The following FHIT variants were observed in gnomAD, a reference collection of about 807,000 sequenced individuals.
The protein encoded by FHIT is bis(5'-adenosyl)-triphosphatase.
In FHIT, 19 loss-of-function variants were observed where a neutral mutation model predicts 17.9. The observed-to-expected ratio is 1.06, with a 90% CI of 0.74 to 1.56. The LOEUF is 1.56. Among genes scored for constraint, FHIT ranks in the 40% most tolerant of loss-of-function variants. The pLI is 0.00. For missense variants in FHIT, 248 were observed against 189.2 expected (o/e 1.31, Z -1.82); for synonymous variants, 81 against 69.7 (o/e 1.16, Z -0.81).
intron 5 of FHIT, among the ~76,000 whole-genome samples, chr3:60,098,971 C>T (rs1302459564): frequency 6.6e-6 from 1 of 152,060 alleles, no homozygotes; most frequent in Non-Finnish European, 1.5e-5. Context: ...TACACTTGTC[C>T]TAACTTCTAA....
chr3:61,098,762 G>A (rs761819134), intron 2 of FHIT, among the ~76,000 whole-genome samples: 17 of 152,080 alleles, frequency 1.1e-4, no homozygotes, highest in Non-Finnish European at 2.5e-4. Flanking sequence ...GACTATTGTT[G>A]GTATATAGGA....
Position 60,929,714 on chromosome 3 carries a change from G to A in FHIT, c.-110-107703C>T, listed in dbSNP as rs184184728. ...ACCACTACTTAATGAAATAAAAGAC[G>A]ATACAAACAAATGGAAGAACATTCC... On this transcript the variant is annotated intron_variant, in intron 3 of 9. Coordinates refer to ENST00000492590, the MANE Select transcript of FHIT (RefSeq NM_002012.4). 9.9e-5 allele frequency among the ~76,000 whole-genome samples: 15 copies of A among 152,266 alleles called. 1 individual carries two copies. The highest frequency in any genetic ancestry group is 4.6e-4 in the Admixed American group (7 of 15,302).
At chr3:60,417,084 A>C (rs961790078) in intron 5 of FHIT, among the ~76,000 whole-genome samples, 2 of 149,946 alleles carry the variant, frequency 1.3e-5, no homozygotes, top group African/African-American at 2.5e-5. Context: ...GGGAGACTCC[A>C]TCTCAGAAAG....
intron 7 of FHIT, among the ~76,000 whole-genome samples, chr3:59,923,825 G>C (rs2107198467): frequency 6.6e-6 from 1 of 152,300 alleles, no homozygotes; most frequent in East Asian, 1.9e-4. Flanking sequence ...GAGGGGGAAA[G>C]TGACACGCTA....
intron 5 of FHIT, among the ~76,000 whole-genome samples, chr3:60,085,902 A>G (rs1043484556): frequency 6.6e-6 from 1 of 152,170 alleles, no homozygotes; most frequent in African/African-American, 2.4e-5. Context: ...TCCTCCTGTG[A>G]GATTTTGCAA....
intron 5 of FHIT, among the ~76,000 whole-genome samples, chr3:60,284,716 T>G (rs528330735): frequency 6.6e-6 from 1 of 152,240 alleles, no homozygotes; most frequent in Non-Finnish European, 1.5e-5. Context: ...TTTAAAGAAT[T>G]TCATGGTAGC....
intron 2 of FHIT, among the ~76,000 whole-genome samples, chr3:61,100,105 C>T (rs969103029): frequency 6.6e-6 from 1 of 151,954 alleles, no homozygotes; most frequent in Non-Finnish European, 1.5e-5. Context: ...TACATGTGCA[C>T]AATGTGCAGG....
chr3:59,827,279 A>G (rs562596214), intron 8 of FHIT, among the ~76,000 whole-genome samples: 1 of 152,348 alleles, frequency 6.6e-6, no homozygotes, highest in South Asian at 2.1e-4. Context: ...TTATTCAACC[A>G]TGATGGACAA....
intron 4 of FHIT, among the ~76,000 whole-genome samples, chr3:60,800,765 G>A (rs1462571580): frequency 6.6e-6 from 1 of 152,176 alleles, no homozygotes; most frequent in Non-Finnish European, 1.5e-5. Flanking sequence ...CCAGAGTATG[G>A]ACAAGAGTAT....
At chr3:60,098,902 C>T (rs376274629) in intron 5 of FHIT, among the ~76,000 whole-genome samples, 4 of 152,280 alleles carry the variant, frequency 2.6e-5, no homozygotes, top group Admixed American at 6.5e-5. Context: ...GCACCCCTAA[C>T]CCCTGTGATG....
intron 5 of FHIT, among the ~76,000 whole-genome samples, chr3:60,467,909 T>C (rs930454930): frequency 3.3e-5 from 5 of 152,058 alleles, no homozygotes; most frequent in Admixed American, 2.6e-4. Flanking sequence ...GTGGGTGAAG[T>C]CTCCAGCTAT....
intron 5 of FHIT, among the ~76,000 whole-genome samples, chr3:60,368,190 C>CT (rs142853246): frequency 6.5e-5 from 8 of 122,846 alleles, no homozygotes; most frequent in African/African-American, 1.4e-4. Flanking sequence ...TAAAACATAT[C>CT]TTTTTAAAAA....
chr3:60,161,796 G>C (rs1425400576), intron 5 of FHIT, among the ~76,000 whole-genome samples: 1 of 152,138 alleles, frequency 6.6e-6, no homozygotes, highest in African/African-American at 2.4e-5. Context: ...AGCATATGGA[G>C]ACACACAAAG....
intron 7 of FHIT, among the ~76,000 whole-genome samples, chr3:59,951,328 T>C (rs80006424): frequency 0.03 from 4,583 of 152,274 alleles, 225 homozygotes; most frequent in African/African-American, 0.1. Context: ...TTGTAGCCAT[T>C]GCTGTTGACT....
chr3:60,136,378 A>G (rs1402411323), intron 5 of FHIT, among the ~76,000 whole-genome samples: 1 of 152,178 alleles, frequency 6.6e-6, no homozygotes, highest in Non-Finnish European at 1.5e-5. Flanking sequence ...GTTCTGTGGA[A>G]CTGTGCAAAC....
At chr3:61,118,564 G>A (rs1485893069) in intron 2 of FHIT, among the ~76,000 whole-genome samples, 1 of 152,148 alleles carries the variant, frequency 6.6e-6, no homozygotes, top group African/African-American at 2.4e-5. Context: ...CATAGCACCT[G>A]GACCTCATTC....
At chr3:60,927,741 A>G (rs1213729853) in intron 3 of FHIT, among the ~76,000 whole-genome samples, 3 of 113,364 alleles carry the variant, frequency 2.6e-5, no homozygotes, top group Non-Finnish European at 5.6e-5. Flanking sequence ...GCGTGCCCCC[A>G]CCCGGCAGCC....
chr3:61,231,025 A>C (rs997907346), intron 1 of FHIT, among the ~76,000 whole-genome samples: 2 of 152,260 alleles, frequency 1.3e-5, no homozygotes, highest in Non-Finnish European at 2.9e-5. Context: ...CTAAATGTTC[A>C]CAACAGTAAA....
chr3:60,808,373 C>T (rs1701468600), intron 4 of FHIT, among the ~76,000 whole-genome samples: 1 of 151,684 alleles, frequency 6.6e-6, no homozygotes, highest in African/African-American at 2.4e-5. Flanking sequence ...GAGAATGAAC[C>T]CTAGGACAAT....
Sources: gnomAD v4.1 joint callset for allele counts (sites outside exome capture counted in the v4.1 genomes callset) on GRCh38, gnomAD v4.1.1 for gene constraint, MANE v1.5 for transcripts, NCBI Gene and HGNC (gene_info 2026-07-23, HGNC 2026-07-21) for gene names.